RPL15: variants seen among roughly 807,000 people sequenced by gnomAD.
RPL15 encodes ribosomal protein L15.
For synonymous variants in RPL15, 97 were observed against 95.1 expected (o/e 1.02, Z -0.12); for missense variants, 161 against 271.8 (o/e 0.59, Z 2.87).
In RPL15 at chr3:23,918,286, A is replaced by T. The variant is rs1185009875; in HGVS notation, c.173-154A>T. The T allele has an allele frequency of 3.1e-6, 3 of 980,160 alleles. No individual in the cohort carries two copies. The African/African-American group carries it at 5.0e-5, about 16-fold the overall frequency. 60.7% of individuals were successfully genotyped at this position (980,160 alleles called of 1,614,324 possible). On this transcript the variant is annotated intron_variant, in intron 2 of 3. Transcript: ENST00000307839. ...TCCCTGTGTGAGTAGCCTAAGGTGC[A>T]TTGAAAAAGACTGGGATGTGTTTTA...
chr3:23,918,970 G>GAT, intron 3 of RPL15: 1 of 570,062 alleles, frequency 1.8e-6, no homozygotes, highest in Non-Finnish European at 3.1e-6. Context: ...AGTCAGGAAT[G>GAT]GAGTATTAAG....
At position 23,919,294 on chromosome 3, in the gene RPL15, T is replaced by A; in HGVS notation, c.408T>A (p.Asp136Glu). ...TYKFFEVILI[D>E]PFHKAIRRNP... The stretch of plus-strand genomic sequence containing the variant: ...AATTTTTTGAGGTTATCCTCATTGA[T>A]CCATTCCATAAAGCTATCAGAAGAA... The change falls in exon 4 of 4, where the codon GAT becomes GAA. Residue 136 changes from aspartate to glutamate, a missense_variant. Physicochemically the swap from Asp to Glu is conservative, Grantham distance 45. Coordinates refer to ENST00000307839, the MANE Select transcript of RPL15 (RefSeq NM_002948.5). The A allele has an allele frequency of 6.2e-7, 1 of 1,607,944 alleles. No individual in the cohort carries two copies. The highest frequency in any genetic ancestry group is 8.5e-7 in the Non-Finnish European group (1 of 1,178,734).
At chr3:23,919,074 A>G (rs1456822415) in intron 3 of RPL15, 122 bp from the exon 4 acceptor site, 1 of 676,580 alleles carries the variant, frequency 1.5e-6, no homozygotes, top group Non-Finnish European at 2.6e-6. Flanking sequence ...TGCTTAGTAA[A>G]TAACTTGAGT....
In RPL15 at chr3:23,917,627, A is replaced by G. The variant is rs1003642797; in HGVS notation, c.-10-223A>G. 5 of 481,870 alleles carry G rather than the reference A, an allele frequency of 1.0e-5. No homozygotes were observed. In the Admixed American group the frequency reaches 1.2e-4, roughly 12 times the overall value. The allele number at this position is 481,870 out of a possible 1,614,324, so 29.8% of individuals were successfully genotyped here. A position where few individuals can be genotyped will look rare whatever the true frequency, so the allele number is the denominator to read the frequency against. On this transcript the variant is annotated intron_variant, in intron 1 of 3. Transcript: ENST00000307839. ...TCTGGTTCTGTTAATTCGCCCCACCAAAACGTGCCGAGCACCGCTCTGTGC... is the reference window on the plus strand; with the variant it reads ...TCTGGTTCTGTTAATTCGCCCCACCGAAACGTGCCGAGCACCGCTCTGTGC...
intron 2 of RPL15, chr3:23,918,232 T>TA (rs1704787938): frequency 1.1e-6 from 1 of 919,762 alleles, no homozygotes. Context: ...CTGAATGAGT[T>TA]CAGACTAAAG....
At chr3:23,918,943 T>TA in intron 3 of RPL15, 1 of 545,586 alleles carries the variant, frequency 1.8e-6, no homozygotes, top group Non-Finnish European at 3.2e-6. Context: ...ACCCAGATAT[T>TA]AACATATTCC....
At chr3:23,921,853 G>A, downstream of RPL15, 1 of 510,558 alleles carries the variant, frequency 2.0e-6, no homozygotes, top group Non-Finnish European at 3.4e-6. Flanking sequence ...GGGATTACAG[G>A]CGTGAGCCAC....
intron 2 of RPL15, 130 bp from the exon 3 acceptor site, chr3:23,918,310 T>A (rs1704805440): frequency 8.8e-7 from 1 of 1,133,234 alleles, no homozygotes; most frequent in Non-Finnish European, 1.2e-6. Context: ...GGATGTGTTT[T>A]ATTTTTTTCT....
rs748347743 is a variant in RPL15 at position 23,920,629 on chromosome 3, C to T, written c.*1128C>T. ...CAATTTTAAATTCTGACTTTGCTGA[C>T]TTAATTTAAATGCTCGTTCTGAACC... is the stretch of plus-strand genomic sequence containing the variant. On this transcript the variant is annotated 3_prime_UTR_variant, in exon 4 of 4. Coordinates refer to ENST00000307839, the MANE Select transcript of RPL15 (RefSeq NM_002948.5). The T allele has an allele frequency of 1.1e-5, 11 of 984,874 alleles. No homozygotes were observed. The highest frequency in any genetic ancestry group is 4.7e-5 in the South Asian group (1 of 21,278). The allele number at this position is 984,874 out of a possible 1,614,324, so 61.0% of individuals were successfully genotyped here.
chr3:23,918,966 GA>G, intron 3 of RPL15: 1 of 569,642 alleles, frequency 1.8e-6, no homozygotes, highest in Non-Finnish European at 3.1e-6. Flanking sequence ...CCCTAGTCAG[GA>G]ATGGAGTATT....
In RPL15 at chr3:23,920,981, ATT is replaced by A. The variant is rs1345775910; in HGVS notation, c.*1481_*1482del. ...ATTTGAGATAGCATAAAATGTACTT[ATT>A]CTCTCAGTTCTTTGATCATTGCATG... On this transcript the variant is annotated 3_prime_UTR_variant, in exon 4 of 4. Coordinates refer to ENST00000307839, the MANE Select transcript of RPL15 (RefSeq NM_002948.5). The A allele has an allele frequency of 6.3e-6, 1 of 158,322 alleles. No individual in the cohort carries two copies. The highest frequency in any genetic ancestry group is 1.9e-4 in the East Asian group (1 of 5,212). 9.8% of individuals were successfully genotyped at this position (158,322 alleles called of 1,614,324 possible).
chr3:23,918,564 G>C lies in RPL15; in HGVS notation c.297G>C (p.Gln99His). ...VNQLKFARSL[Q>H]SVAEERAGRH... ...AGCTAAAGTTTGCTCGAAGCCTTCA[G>C]TCCGTTGCAGAGGTAAATGGTTTTG... Residue 99 changes from glutamine to histidine, a missense_variant, in exon 3 of 4, where the codon CAG becomes CAC. Gln to His is a conservative substitution (Grantham distance 24). Coordinates refer to ENST00000307839, the MANE Select transcript of RPL15 (RefSeq NM_002948.5). 1 of 1,613,878 alleles carries C rather than the reference G, an allele frequency of 6.2e-7. No homozygotes were observed. Among genetic ancestry groups the C allele is most frequent in the Non-Finnish European group, 8.5e-7 (1 of 1,179,928 alleles).
downstream of RPL15, among the ~76,000 whole-genome samples, chr3:23,921,434 C>T (rs946973390): frequency 4.6e-5 from 7 of 152,196 alleles, no homozygotes; most frequent in East Asian, 3.8e-4. Flanking sequence ...TTCCTAATGC[C>T]TTTATGATGG....
intron 1 of RPL15, 102 bp from the exon 2 acceptor site, chr3:23,917,748 C>T (rs34958485): frequency 5.0e-6 from 6 of 1,202,272 alleles, no homozygotes; most frequent in African/African-American, 4.6e-5. Context: ...ATTTTCATTC[C>T]CGGCGGTTTC....
downstream of RPL15, chr3:23,922,393 T>C (rs1440942836): frequency 1.3e-5 from 2 of 152,184 alleles, no homozygotes; most frequent in African/African-American, 4.8e-5. This position sits in a 1 kb window ranked among gnomAD's most constrained non-coding sequence, Gnocchi z 4.2. Flanking sequence ...TTAAAGTTTA[T>C]TTGTTTTGTT....
chr3:23,918,055 C>G (rs1488171097), intron 2 of RPL15, 24 bp downstream of exon 2: 1 of 1,593,334 alleles, frequency 6.3e-7, no homozygotes, highest in Non-Finnish European at 8.5e-7. Flanking sequence ...TGCGTGGATG[C>G]TTGGATAAAA....
chr3:23,918,321 A>G (rs1559511373), intron 2 of RPL15, 119 bp from the exon 3 acceptor site: 6 of 1,194,306 alleles, frequency 5.0e-6, no homozygotes, highest in South Asian at 1.6e-5. Context: ...ATTTTTTTCT[A>G]TTAGATAGCA....
chr3:23,922,392 ATTTG>A (rs1362254364), downstream of RPL15: 1 of 152,124 alleles, frequency 6.6e-6, no homozygotes. The surrounding 1 kb of genome is among the most constrained non-coding windows in gnomAD (Gnocchi z 4.2). Context: ...CTTAAAGTTT[ATTTG>A]TTTTGTTTTG....
intron 1 of RPL15, 139 bp from the exon 2 acceptor site, chr3:23,917,711 G>C (rs1320125542): frequency 1.2e-6 from 1 of 822,280 alleles, no homozygotes; most frequent in Non-Finnish European, 1.9e-6. Flanking sequence ...GGTTGGGCTA[G>C]CTGTCCCCGG....
Sources: gnomAD v4.1 joint callset for allele counts (sites outside exome capture counted in the v4.1 genomes callset) on GRCh38, gnomAD v4.1.1 for gene constraint, Gnocchi (gnomAD v3.1) non-coding constraint, MANE v1.5 for transcripts, NCBI Gene and HGNC (gene_info 2026-07-23, HGNC 2026-07-21) for gene names.